Variants in CNTNAP4 observed in about 807,000 individuals in gnomAD.
CNTNAP4 encodes the protein contactin-associated protein-like 4.
CNTNAP4 carries 98 observed loss-of-function variants against 148.4 expected under a neutral mutation model. That is an observed-to-expected ratio of 0.66 (90% confidence interval 0.56 to 0.78). The LOEUF is 0.78. Among genes scored for constraint, CNTNAP4 ranks in the 30% least tolerant of loss-of-function variants. The pLI is 0.00. For synonymous variants in CNTNAP4, 730 were observed against 565.1 expected (o/e 1.29, Z -4.14); for missense variants, 1,935 against 1,565.6 (o/e 1.24, Z -3.98).
At position 76,312,711 on chromosome 16, in the gene CNTNAP4, T is replaced by C. The variant is rs1434113362; in HGVS notation, c.86-3702T>C. ...TAATTATAGTCATGGTATTCTTACATAGTGGATTCTGGACCGCAACTCACG... is the reference window on the plus strand; with the variant it reads ...TAATTATAGTCATGGTATTCTTACACAGTGGATTCTGGACCGCAACTCACG... On this transcript the variant is annotated intron_variant, in intron 1 of 23. Coordinates refer to ENST00000611870, the MANE Select transcript of CNTNAP4 (RefSeq NM_033401.5). Among the ~76,000 whole-genome samples, 3 of 152,186 alleles carry C rather than the reference T, an allele frequency of 2.0e-5. No individual in the cohort carries two copies. The East Asian group carries it at 5.8e-4, about 29-fold the overall frequency.
intron 21 of CNTNAP4, among the ~76,000 whole-genome samples, chr16:76,549,205 C>T (rs1315242603): frequency 2.6e-5 from 4 of 152,068 alleles, no homozygotes; most frequent in African/African-American, 4.8e-5. Context: ...GGATTGCTTG[C>T]CTTACAGAGG....
At chr16:76,321,594 C>T (rs1336385543) in intron 2 of CNTNAP4, among the ~76,000 whole-genome samples, 1 of 151,696 alleles carries the variant, frequency 6.6e-6, no homozygotes, top group African/African-American at 2.4e-5. Context: ...TCGAGACCAT[C>T]CTGGCTAACA....
rs1962192434 is a variant in CNTNAP4 at position 76,319,595 on chromosome 16, C to A, written c.196+3072C>A. On this transcript the variant is annotated intron_variant, in intron 2 of 23. Transcript: ENST00000611870. Reference sequence around the variant, plus strand: ...AGATATCATCAAGTTAAGATGAGGCCATACTGGATTAAGGGGTGGGGGGCT... The same window carrying A: ...AGATATCATCAAGTTAAGATGAGGCAATACTGGATTAAGGGGTGGGGGGCT... Among the ~76,000 whole-genome samples the A allele has an allele frequency of 2.0e-5, 3 of 151,892 alleles. No individual in the cohort carries two copies. In the South Asian group the frequency reaches 6.2e-4, roughly 32 times the overall value.
chr16:76,448,172 A>G lies in CNTNAP4; in HGVS notation c.699A>G (p.Thr233=), dbSNP rs940872770. The G allele has an allele frequency of 6.2e-7, 1 of 1,613,572 alleles. No homozygotes were observed. The highest frequency in any genetic ancestry group is 1.1e-5 in the South Asian group (1 of 91,058). ...HREGPNGDHI[T]LQLRRARLFL... is the part of the protein sequence containing the mutation. ...AAGGGCCAAATGGAGATCACATCAC[A>G]CTGCAATTAAGAAGAGCAAGACTCT... The change falls in exon 5 of 24, where the codon ACA becomes ACG. Residue 233 remains threonine (T), a synonymous_variant. Transcript: ENST00000611870.
chr16:76,467,463 A>G lies in CNTNAP4; in HGVS notation c.1595A>G (p.Gln532Arg), dbSNP rs770778254. 1.2e-6 allele frequency: 2 copies of G among 1,613,932 alleles called. No homozygotes were observed. Among genetic ancestry groups the G allele is most frequent in the Non-Finnish European group, 1.7e-6 (2 of 1,179,864 alleles). ...SGKVVDLISV[Q>R]QGSLGNFSDL... ...AAAGTGGTAGATCTGATTTCAGTTC[A>G]GCAGGGGTCCCTTGGGAACTTCAGT... The change falls in exon 10 of 24, where the codon CAG (glutamine) becomes CGG (arginine). Residue 532 changes from glutamine to arginine, a missense_variant. Physicochemically the swap from Gln to Arg is conservative, Grantham distance 43. Coordinates refer to ENST00000611870, the MANE Select transcript of CNTNAP4 (RefSeq NM_033401.5).
intron 15 of CNTNAP4, among the ~76,000 whole-genome samples, chr16:76,511,651 T>A (rs1208172224): frequency 1.3e-5 from 2 of 152,146 alleles, no homozygotes; most frequent in Non-Finnish European, 2.9e-5. Context: ...TTACTTTATC[T>A]TATTGGGTTT....
intron 3 of CNTNAP4, among the ~76,000 whole-genome samples, chr16:76,405,084 A>G (rs1313253102): frequency 6.6e-6 from 1 of 152,200 alleles, no homozygotes; most frequent in Non-Finnish European, 1.5e-5. Flanking sequence ...GAGGAAAATC[A>G]TTTAATTTCT....
chr16:76,461,084 A>G (rs1421426039), intron 8 of CNTNAP4, among the ~76,000 whole-genome samples: 1 of 152,078 alleles, frequency 6.6e-6, no homozygotes, highest in African/African-American at 2.4e-5. Flanking sequence ...AATGAAACTT[A>G]TCTAACACAT....
chr16:76,301,575 G>T (rs149937534), intron 1 of CNTNAP4, among the ~76,000 whole-genome samples: 47 of 152,270 alleles, frequency 3.1e-4, no homozygotes, highest in Non-Finnish European at 5.1e-4. Context: ...ACCAGTACTT[G>T]GTTTAGTAAT....
intron 1 of CNTNAP4, among the ~76,000 whole-genome samples, chr16:76,298,130 A>G (rs1300621084): frequency 1.3e-5 from 2 of 152,052 alleles, no homozygotes; most frequent in African/African-American, 4.8e-5. Flanking sequence ...CTGAGCACAC[A>G]TTTTTAATGT....
At chr16:76,521,830 C>G (rs1231143123) in intron 16 of CNTNAP4, among the ~76,000 whole-genome samples, 1 of 151,752 alleles carries the variant, frequency 6.6e-6, no homozygotes, top group African/African-American at 2.4e-5. Context: ...TTTTCAAAAA[C>G]ATGAATGTAT....
chr16:76,485,588 A>G (rs1314336132), intron 12 of CNTNAP4, among the ~76,000 whole-genome samples: 4 of 152,142 alleles, frequency 2.6e-5, no homozygotes, highest in Non-Finnish European at 5.9e-5. Context: ...ACCCCTTCTC[A>G]TGGTCCCATT....
chr16:76,316,621 A>G (rs1265051718), intron 2 of CNTNAP4, 98 bp downstream of exon 2: 1 of 798,986 alleles, frequency 1.3e-6, no homozygotes, highest in East Asian at 2.6e-5. Context: ...TGGTAAAAGA[A>G]AGTAAATTTC....
At chr16:76,517,397 C>T (rs1020735657) in intron 15 of CNTNAP4, among the ~76,000 whole-genome samples, 1 of 152,140 alleles carries the variant, frequency 6.6e-6, no homozygotes, top group Non-Finnish European at 1.5e-5. Context: ...TTATTTCTTA[C>T]ACCTGCGTAA....
chr16:76,469,437 C>T (rs558384744), intron 10 of CNTNAP4: 1 of 152,336 alleles, frequency 6.6e-6, no homozygotes, highest in South Asian at 2.1e-4. Flanking sequence ...GACTTGCTTA[C>T]AGAGCAGGGA....
At chr16:76,555,572 C>T (rs4128380) in intron 23 of CNTNAP4, among the ~76,000 whole-genome samples, 41,798 of 152,008 alleles carry the variant, frequency 0.27, 5,758 homozygotes, top group South Asian at 0.35. Context: ...AATACAGATA[C>T]AGAGACAGAT....
intron 3 of CNTNAP4, among the ~76,000 whole-genome samples, chr16:76,388,759 T>C (rs1227020477): frequency 2.0e-5 from 3 of 152,204 alleles, no homozygotes; most frequent in Non-Finnish European, 4.4e-5. Context: ...ATGATGGAAA[T>C]GTTATTTATT....
intron 11 of CNTNAP4, among the ~76,000 whole-genome samples, 157 bp from the exon 12 acceptor site, chr16:76,479,261 TA>T (rs1223700505): frequency 1.3e-5 from 2 of 152,140 alleles, no homozygotes; most frequent in East Asian, 1.9e-4. Flanking sequence ...ATATTAATTT[TA>T]AAAAAGAATG....
chr16:76,495,318 T>C (rs1567116), intron 14 of CNTNAP4: 206,950 of 247,514 alleles, frequency 0.84, 88,209 homozygotes, highest in East Asian at 0.96. Context: ...ACACCTGTTA[T>C]ATGGGGAATT....
Sources: allele counts gnomAD v4.1 joint callset (sites outside exome capture counted in the v4.1 genomes callset), GRCh38; gene constraint gnomAD v4.1.1; transcripts MANE v1.5; gene names NCBI Gene and HGNC (gene_info 2026-07-23, HGNC 2026-07-21).